ROCK1: variants seen among roughly 807,000 people sequenced by gnomAD.
The protein encoded by ROCK1 is rho-associated protein kinase 1.
A neutral mutation model predicts 196.8 loss-of-function variants in ROCK1; 36 were observed. The ratio of observed to expected loss-of-function variants is 0.18; its 90% CI spans 0.14 to 0.24. The LOEUF is 0.24. Among genes scored for constraint, ROCK1 ranks in the 10% least tolerant of loss-of-function variants. The pLI is 1.00. For synonymous variants in ROCK1, 443 were observed against 515.9 expected (o/e 0.86, Z 1.91); for missense variants, 920 against 1,562.0 (o/e 0.59, Z 6.93).
intron 20 of ROCK1, among the ~76,000 whole-genome samples, 186 bp downstream of exon 20, chr18:20,984,163 CTG>C (rs955869026): frequency 1.3e-5 from 2 of 152,098 alleles, no homozygotes; most frequent in Non-Finnish European, 2.9e-5. Flanking sequence ...GATGAGAAAA[CTG>C]TGGTCTTTCC....
intron 11 of ROCK1, among the ~76,000 whole-genome samples, chr18:21,022,366 G>A (rs2035920774): frequency 1.3e-5 from 2 of 152,140 alleles, no homozygotes; most frequent in Admixed American, 1.3e-4. Context: ...ATTTTCTGGA[G>A]TAATATACTT....
chr18:20,981,410 A>C (rs139485412), intron 21 of ROCK1, among the ~76,000 whole-genome samples: 14 of 152,264 alleles, frequency 9.2e-5, no homozygotes, highest in African/African-American at 3.4e-4. Context: ...AAAAAGAAAT[A>C]TCCACAAATA....
At chr18:20,978,780 A>G (rs1321599504) in intron 22 of ROCK1, among the ~76,000 whole-genome samples, 1 of 152,360 alleles carries the variant, frequency 6.6e-6, no homozygotes, top group East Asian at 1.9e-4. Context: ...GGAGGAAAGA[A>G]GGCATAATTA....
At chr18:21,063,741 T>C (rs1283073896) in intron 2 of ROCK1, among the ~76,000 whole-genome samples, 1 of 152,188 alleles carries the variant, frequency 6.6e-6, no homozygotes, top group African/African-American at 2.4e-5. Context: ...TGGAAGATTT[T>C]TGTGATCATT....
At chr18:21,069,874 A>G (rs1485828274) in intron 2 of ROCK1, among the ~76,000 whole-genome samples, 1 of 152,054 alleles carries the variant, frequency 6.6e-6, no homozygotes, top group Non-Finnish European at 1.5e-5. Context: ...TAAAAATTGA[A>G]AAACTAAAAG....
intron 7 of ROCK1, 58 bp downstream of exon 7, chr18:21,042,507 G>C: frequency 6.6e-7 from 1 of 1,525,862 alleles, no homozygotes; most frequent in Non-Finnish European, 8.9e-7. Flanking sequence ...AAAGAGCCAA[G>C]TGGCAAGTTT....
At chr18:21,046,911 C>CTTCCTG (rs2143513519) in intron 4 of ROCK1, among the ~76,000 whole-genome samples, 1 of 152,180 alleles carries the variant, frequency 6.6e-6, no homozygotes, top group Non-Finnish European at 1.5e-5. Context: ...CTCAAGTGAT[C>CTTCCTG]TTCCTGTCTC....
At chr18:21,025,848 C>T (rs559396425) in intron 10 of ROCK1, among the ~76,000 whole-genome samples, 1 of 152,172 alleles carries the variant, frequency 6.6e-6, no homozygotes, top group Admixed American at 6.5e-5. Flanking sequence ...TGTCAATAGG[C>T]TGTGACAGTT....
intron 9 of ROCK1, among the ~76,000 whole-genome samples, chr18:21,032,638 G>A (rs1215593611): frequency 6.7e-6 from 1 of 150,048 alleles, no homozygotes; most frequent in African/African-American, 2.5e-5. Context: ...CTCTGCCTCA[G>A]CCTCTGATGT....
intron 4 of ROCK1, among the ~76,000 whole-genome samples, chr18:21,045,899 GTTTTTTT>G (rs34360056): frequency 2.2e-4 from 14 of 62,492 alleles, no homozygotes; most frequent in African/African-American, 9.0e-4. Context: ...AGTTTCAGCT[GTTTTTTT>G]TTTTTTTTTT....
chr18:21,002,017 GA>G (rs981448361), intron 16 of ROCK1, among the ~76,000 whole-genome samples: 1 of 151,612 alleles, frequency 6.6e-6, no homozygotes, highest in African/African-American at 2.4e-5. Context: ...AACTAAGCCA[GA>G]AAAAAAATCA....
intron 16 of ROCK1, among the ~76,000 whole-genome samples, chr18:21,005,603 G>T (rs992543442): frequency 6.6e-6 from 1 of 152,182 alleles, no homozygotes; most frequent in Non-Finnish European, 1.5e-5. Context: ...CTGGCCTGGT[G>T]TGGTGTCTCA....
rs573377314 is a variant in ROCK1, at chr18:20,949,305, C to G, written c.*2079G>C. On this transcript the variant is annotated 3_prime_UTR_variant, in exon 33 of 33. Transcript: ENST00000399799. ...TATCCTGTTTGCATGCTGCCAGTCA[C>G]AGTTTCATGGATCCTGACAAAAGAG... 6.6e-6 allele frequency: 1 copy of G among 151,984 alleles called. No homozygotes were observed. The highest frequency in any genetic ancestry group is 1.5e-5 in the Non-Finnish European group (1 of 68,028). 9.4% of individuals were successfully genotyped at this position (151,984 alleles called of 1,614,324 possible).
At chr18:21,040,823 T>C (rs186135493) in intron 8 of ROCK1, among the ~76,000 whole-genome samples, 298 of 152,266 alleles carry the variant, frequency 2.0e-3, no homozygotes, top group Admixed American at 3.9e-3. Context: ...TACAATGCTT[T>C]ATATTAAAAT....
At chr18:20,957,293 G>A (rs1331121189) in intron 29 of ROCK1, among the ~76,000 whole-genome samples, 1 of 152,248 alleles carries the variant, frequency 6.6e-6, no homozygotes, top group African/African-American at 2.4e-5. Flanking sequence ...TTCATGCAAT[G>A]TTATACTATT....
intron 16 of ROCK1, among the ~76,000 whole-genome samples, chr18:20,997,836 ATT>A (rs112658977): frequency 0.011 from 1,535 of 141,882 alleles, 20 homozygotes; most frequent in African/African-American, 0.037. Context: ...CAACAAGTGG[ATT>A]TTTTTTTTTT....
chr18:21,083,440 A>C (rs1000863262), intron 1 of ROCK1, among the ~76,000 whole-genome samples: 1 of 152,216 alleles, frequency 6.6e-6, no homozygotes, highest in African/African-American at 2.4e-5. Flanking sequence ...AAGCTACAGT[A>C]ACCAAAATGG....
intron 2 of ROCK1, among the ~76,000 whole-genome samples, chr18:21,066,146 T>C (rs2036332511): frequency 6.6e-6 from 1 of 152,188 alleles, no homozygotes. Flanking sequence ...TTCAGCGGTA[T>C]GTAAAATGCT....
intron 19 of ROCK1, among the ~76,000 whole-genome samples, chr18:20,986,646 A>C (rs1265668071): frequency 6.6e-6 from 1 of 152,212 alleles, no homozygotes; most frequent in African/African-American, 2.4e-5. Context: ...ATGCATTATA[A>C]TAAAGACTTT....
Sources: allele counts gnomAD v4.1 joint callset (sites outside exome capture counted in the v4.1 genomes callset), GRCh38; gene constraint gnomAD v4.1.1; transcripts MANE v1.5; gene names NCBI Gene and HGNC (gene_info 2026-07-23, HGNC 2026-07-21).